Variants in CWC27 observed in about 807,000 individuals in gnomAD.
The protein encoded by CWC27 is CWC27 spliceosome associated cyclophilin.
Under a neutral mutation model 63.6 loss-of-function variants are expected in CWC27, and 47 were observed. The observed-to-expected ratio is 0.74, with a 90% CI of 0.58 to 0.94. The LOEUF is 0.94. Among genes scored for constraint, CWC27 ranks in the 40% least tolerant of loss-of-function variants. The pLI is 0.00. For missense variants in CWC27, 495 were observed against 554.3 expected (o/e 0.89, Z 1.07); for synonymous variants, 175 against 179.8 (o/e 0.97, Z 0.22).
intron 13 of CWC27, 47 bp from the exon 14 acceptor site, chr5:65,018,112 T>G: frequency 6.7e-7 from 1 of 1,488,760 alleles, no homozygotes; most frequent in Non-Finnish European, 9.0e-7. Context: ...ATTTCTACTG[T>G]AAGTTCCCAT....
chr5:64,891,495 C>A (rs2112351740), intron 11 of CWC27, among the ~76,000 whole-genome samples: 1 of 152,146 alleles, frequency 6.6e-6, no homozygotes, highest in East Asian at 1.9e-4. Context: ...GATGTACATA[C>A]CCTCACAATT....
At chr5:64,813,721 G>A (rs1379581950) in intron 10 of CWC27, among the ~76,000 whole-genome samples, 2 of 152,150 alleles carry the variant, frequency 1.3e-5, no homozygotes, top group Non-Finnish European at 2.9e-5. Context: ...TAGTCATGTT[G>A]AAAAATTGTG....
chr5:64,946,292 A>G (rs1276743363), intron 11 of CWC27, among the ~76,000 whole-genome samples: 1 of 152,184 alleles, frequency 6.6e-6, no homozygotes, highest in Non-Finnish European at 1.5e-5. Context: ...TATATTAGCT[A>G]TGTACATATA....
At chr5:64,802,822 A>G (rs1744534049) in intron 9 of CWC27, among the ~76,000 whole-genome samples, 1 of 152,190 alleles carries the variant, frequency 6.6e-6, no homozygotes, top group Non-Finnish European at 1.5e-5. Flanking sequence ...GTAACATAAT[A>G]TGGGTCTAGA....
chr5:64,911,967 G>T (rs1747795319), intron 11 of CWC27, among the ~76,000 whole-genome samples: 1 of 151,790 alleles, frequency 6.6e-6, no homozygotes, highest in African/African-American at 2.4e-5. Flanking sequence ...CCAGCTACTT[G>T]GGAGGCTGAG....
At chr5:64,821,122 G>A (rs528668603) in intron 10 of CWC27, among the ~76,000 whole-genome samples, 13 of 129,624 alleles carry the variant, frequency 1.0e-4, no homozygotes, top group Non-Finnish European at 1.9e-4. Flanking sequence ...GTCTCACTCT[G>A]TCGCCAGGCT....
intron 6 of CWC27, among the ~76,000 whole-genome samples, 189 bp downstream of exon 6, chr5:64,786,816 CTG>C (rs967000499): frequency 9.2e-5 from 14 of 152,128 alleles, no homozygotes; most frequent in African/African-American, 3.4e-4. Context: ...ATGCCTGAGA[CTG>C]AGAGATATTG....
chr5:64,790,453 G>A (rs1404463768), intron 7 of CWC27, among the ~76,000 whole-genome samples: 1 of 152,098 alleles, frequency 6.6e-6, no homozygotes, highest in Non-Finnish European at 1.5e-5. Flanking sequence ...CTGTGGTTAT[G>A]TTTGTGAATG....
At chr5:64,807,511 G>T in intron 10 of CWC27, 1 of 1,399,068 alleles carries the variant, frequency 7.1e-7, no homozygotes, top group Non-Finnish European at 9.2e-7. Flanking sequence ...TAGAGAATCG[G>T]CACCCTTATA....
chr5:64,850,273 G>A (rs1444040902), intron 10 of CWC27, among the ~76,000 whole-genome samples: 20 of 142,988 alleles, frequency 1.4e-4, no homozygotes, highest in Admixed American at 2.0e-4. Flanking sequence ...AGAAAACTCA[G>A]AAACAAACCC....
At chr5:64,919,316 C>CT (rs753024422) in intron 11 of CWC27, among the ~76,000 whole-genome samples, 2 of 152,144 alleles carry the variant, frequency 1.3e-5, no homozygotes, top group Non-Finnish European at 2.9e-5. Context: ...ATAGTGTTTA[C>CT]TTCTTAACTT....
intron 13 of CWC27, among the ~76,000 whole-genome samples, chr5:65,015,250 C>A (rs572597934): frequency 6.6e-6 from 1 of 152,082 alleles, no homozygotes; most frequent in African/African-American, 2.4e-5. Flanking sequence ...AAATTCTGAT[C>A]AAGTCATTTT....
At chr5:64,775,338 T>A (rs909256175) in intron 2 of CWC27, among the ~76,000 whole-genome samples, 1 of 152,190 alleles carries the variant, frequency 6.6e-6, no homozygotes, top group Non-Finnish European at 1.5e-5. Context: ...CTGCTCCCCT[T>A]CCTGTCTTTC....
chr5:64,804,143 T>A, intron 9 of CWC27, 86 bp from the exon 10 acceptor site: 1 of 1,190,638 alleles, frequency 8.4e-7, no homozygotes, highest in Non-Finnish European at 1.2e-6. Flanking sequence ...TAGAATGCAA[T>A]AAGGAGATTC....
chr5:65,011,412 A>G (rs1749954641), intron 13 of CWC27, among the ~76,000 whole-genome samples: 1 of 152,220 alleles, frequency 6.6e-6, no homozygotes, highest in Admixed American at 6.5e-5. Context: ...ATCAGGAACC[A>G]TTTCTAAGAT....
chr5:64,855,695 C>G (rs2112302981), intron 10 of CWC27, among the ~76,000 whole-genome samples: 2 of 152,178 alleles, frequency 1.3e-5, no homozygotes, highest in Middle Eastern at 6.8e-3. Context: ...ATGACCATTT[C>G]ACAATAACGT....
intron 13 of CWC27, among the ~76,000 whole-genome samples, chr5:65,014,707 C>T (rs917204812): frequency 6.6e-6 from 1 of 152,026 alleles, no homozygotes; most frequent in African/African-American, 2.4e-5. Context: ...CTGTAAAGTG[C>T]GGGCATGCTT....
chr5:64,850,210 C>T (rs1746100895), intron 10 of CWC27, among the ~76,000 whole-genome samples: 1 of 119,762 alleles, frequency 8.3e-6, no homozygotes, highest in Non-Finnish European at 1.7e-5. Context: ...GTAATTAAAA[C>T]AGCTTGGTAC....
intron 7 of CWC27, among the ~76,000 whole-genome samples, chr5:64,789,314 A>G (rs1743995294): frequency 6.6e-6 from 1 of 152,052 alleles, no homozygotes; most frequent in Non-Finnish European, 1.5e-5. Flanking sequence ...TTCAGGTAGT[A>G]TGTTAGATGA....
Sources: allele counts gnomAD v4.1 joint callset (sites outside exome capture counted in the v4.1 genomes callset), GRCh38; gene constraint gnomAD v4.1.1; transcripts MANE v1.5; gene names NCBI Gene and HGNC (gene_info 2026-07-23, HGNC 2026-07-21).